STAU2: variants seen among roughly 807,000 people sequenced by gnomAD.
STAU2 encodes the protein double-stranded RNA-binding protein Staufen homolog 2.
Under a neutral mutation model 65.9 loss-of-function variants are expected in STAU2, and 20 were observed. The ratio of observed to expected loss-of-function variants is 0.30; its 90% CI spans 0.21 to 0.44. The LOEUF is 0.44. Among genes scored for constraint, STAU2 ranks in the 20% least tolerant of loss-of-function variants. The pLI, the probability that STAU2 is intolerant of heterozygous loss-of-function variation, is 1.00. For synonymous variants in STAU2, 232 were observed against 233.9 expected, an observed-to-expected ratio of 0.99 and a Z score of 0.07; for missense variants, 558 against 683.9, an observed-to-expected ratio of 0.82 and a Z score of 2.05.
intron 13 of STAU2, among the ~76,000 whole-genome samples, chr8:73,510,288 T>G (rs1822313315): frequency 6.6e-6 from 1 of 152,146 alleles, no homozygotes; most frequent in Non-Finnish European, 1.5e-5. Context: ...CAGGCTGGTC[T>G]CGAACTCCCA....
intron 13 of STAU2, among the ~76,000 whole-genome samples, chr8:73,470,979 A>G (rs1819963224): frequency 6.6e-6 from 1 of 151,902 alleles, no homozygotes; most frequent in African/African-American, 2.4e-5. Flanking sequence ...ATCATCTGAC[A>G]TTACCATTTG....
chr8:73,449,167 T>G (rs1314094620), intron 13 of STAU2, among the ~76,000 whole-genome samples: 1 of 152,146 alleles, frequency 6.6e-6, no homozygotes, highest in Non-Finnish European at 1.5e-5. Context: ...GCCGGGCGAG[T>G]TAGGCCGCAA....
At chr8:73,651,343 G>T in intron 6 of STAU2, 1 of 683,682 alleles carries the variant, frequency 1.5e-6, no homozygotes. Context: ...GCATCTTCCA[G>T]CACCACCAGT....
At chr8:73,442,819 G>A (rs73318763) in intron 13 of STAU2, among the ~76,000 whole-genome samples, 3,745 of 152,224 alleles carry the variant, frequency 0.025, 149 homozygotes, top group African/African-American at 0.086. Context: ...TATGTATTAC[G>A]AGACAGAGAA....
intron 13 of STAU2, among the ~76,000 whole-genome samples, chr8:73,543,840 C>T (rs1806716241): frequency 6.6e-6 from 1 of 152,302 alleles, no homozygotes; most frequent in East Asian, 1.9e-4. Flanking sequence ...GCAATATTAA[C>T]TGTTTCTATG....
chr8:73,425,037 G>A (rs558865572), intron 13 of STAU2, among the ~76,000 whole-genome samples: 28 of 152,306 alleles, frequency 1.8e-4, no homozygotes, highest in African/African-American at 6.0e-4. Flanking sequence ...CAACAGCCAG[G>A]TGGGTTTTGA....
At chr8:73,577,285 G>A (rs1011745001) in intron 12 of STAU2, among the ~76,000 whole-genome samples, 9 of 151,886 alleles carry the variant, frequency 5.9e-5, no homozygotes, top group East Asian at 3.9e-4. Flanking sequence ...AAAATTAGCC[G>A]GGCGTGGTGG....
intron 13 of STAU2, among the ~76,000 whole-genome samples, chr8:73,423,855 G>A (rs1406778058): frequency 1.3e-5 from 2 of 152,066 alleles, no homozygotes; most frequent in Non-Finnish European, 2.9e-5. Flanking sequence ...TCTTGCATTG[G>A]TATGGTACAT....
At chr8:73,705,555 G>A (rs970928797) in intron 4 of STAU2, among the ~76,000 whole-genome samples, 5 of 151,948 alleles carry the variant, frequency 3.3e-5, no homozygotes, top group East Asian at 1.9e-4. Flanking sequence ...GCCTTCTTTC[G>A]AGATTTGAGC....
intron 6 of STAU2, among the ~76,000 whole-genome samples, chr8:73,635,534 T>C (rs994961154): frequency 2.6e-5 from 4 of 151,986 alleles, no homozygotes; most frequent in Non-Finnish European, 5.9e-5. Flanking sequence ...ATATTAGAAA[T>C]AAAAATCTGA....
intron 13 of STAU2, among the ~76,000 whole-genome samples, chr8:73,441,727 C>T (rs751611951): frequency 6.6e-5 from 10 of 152,096 alleles, no homozygotes; most frequent in Admixed American, 5.9e-4. Flanking sequence ...TTATTTCGCC[C>T]GTTTATTGAA....
At chr8:73,445,357 A>G (rs1283778782) in intron 13 of STAU2, among the ~76,000 whole-genome samples, 2 of 152,220 alleles carry the variant, frequency 1.3e-5, no homozygotes, top group African/African-American at 2.4e-5. Context: ...GAAAGTACAA[A>G]GCAAAACAAA....
In STAU2 at chr8:73,717,293, T is replaced by C. The variant is rs1473681119; in HGVS notation, c.-17-8131A>G. ...GAGCAGATTTTAATAGTCTAATTTA[T>C]CAATTTTTATAGTTTGTACTTTTAA... On this transcript the variant is annotated intron_variant, in intron 3 of 14. Transcript: ENST00000524300. Among the ~76,000 whole-genome samples the C allele has an allele frequency of 2.6e-5, 4 of 152,256 alleles. No individual in the cohort carries two copies. The East Asian group carries it at 7.7e-4, about 29-fold the overall frequency.
intron 11 of STAU2, among the ~76,000 whole-genome samples, chr8:73,589,248 T>C (rs1409472814): frequency 2.6e-5 from 4 of 152,182 alleles, no homozygotes; most frequent in Non-Finnish European, 5.9e-5. Context: ...GAGAGACATA[T>C]GCTGATTTCT....
At chr8:73,703,607 T>C (rs996106113) in intron 4 of STAU2, among the ~76,000 whole-genome samples, 3 of 152,176 alleles carry the variant, frequency 2.0e-5, no homozygotes, top group South Asian at 2.1e-4. Flanking sequence ...TATATACACA[T>C]AATGGACTAC....
At chr8:73,656,726 T>C (rs555504980) in intron 6 of STAU2, among the ~76,000 whole-genome samples, 1 of 152,256 alleles carries the variant, frequency 6.6e-6, no homozygotes, top group Non-Finnish European at 1.5e-5. Flanking sequence ...ATTTAATTTA[T>C]GGTAAACACC....
chr8:73,455,949 G>A (rs1227543829), intron 13 of STAU2, among the ~76,000 whole-genome samples: 1 of 152,176 alleles, frequency 6.6e-6, no homozygotes, highest in Non-Finnish European at 1.5e-5. Context: ...TTTAATGTCT[G>A]AGTGTGTCAT....
chr8:73,717,884 T>C (rs974697069), intron 3 of STAU2, among the ~76,000 whole-genome samples: 1 of 152,216 alleles, frequency 6.6e-6, no homozygotes, highest in African/African-American at 2.4e-5. Flanking sequence ...CACATGAATT[T>C]TAGAATCACC....
At chr8:73,582,695 A>G in intron 12 of STAU2, 75 bp downstream of exon 12, 2 of 1,439,330 alleles carry the variant, frequency 1.4e-6, no homozygotes, top group East Asian at 2.3e-5. Context: ...GACAGACCCA[A>G]CCAATCCCAG....
Sources: gnomAD v4.1 joint callset for allele counts (sites outside exome capture counted in the v4.1 genomes callset) on GRCh38, gnomAD v4.1.1 for gene constraint, MANE v1.5 for transcripts, NCBI Gene and HGNC (gene_info 2026-07-23, HGNC 2026-07-21) for gene names.